The following HLA-E variants were observed in gnomAD, a reference collection of about 807,000 sequenced individuals.
HLA-E encodes major histocompatibility complex, class I, E, also known as HLA class I histocompatibility antigen, alpha chain E.
Under a neutral mutation model 43.4 loss-of-function variants are expected in HLA-E, and 25 were observed. That is an observed-to-expected ratio of 0.58 (90% CI 0.42 to 0.80). The LOEUF (loss-of-function observed/expected upper bound fraction) is 0.80, where lower values mean the gene tolerates loss of function less well. Among genes scored for constraint, HLA-E ranks in the 30% least tolerant of loss-of-function variants. The pLI, the probability that HLA-E is intolerant of heterozygous loss-of-function variation, is 0.00. For missense variants in HLA-E, 343 were observed against 470.0 expected, an observed-to-expected ratio of 0.73 and a Z score of 2.50; for synonymous variants, 161 against 197.6, an observed-to-expected ratio of 0.81 and a Z score of 1.55.
At position 30,494,088 on chromosome 6, in the gene HLA-E, C is replaced by T. The variant is rs1269027447; in HGVS notation, c.*1342C>T. 2 of 152,290 alleles carry T rather than the reference C, an allele frequency of 1.3e-5. No homozygotes were observed. The highest frequency in any genetic ancestry group is 2.9e-5 in the Non-Finnish European group (2 of 68,064). 9.4% of individuals were successfully genotyped at this position (152,290 alleles called of 1,614,324 possible). A position where few individuals can be genotyped will look rare whatever the true frequency, so the allele number is the denominator to read the frequency against. On this transcript the variant is annotated 3_prime_UTR_variant, in exon 8 of 8. Transcript: ENST00000376630. The surrounding 1 kb of genome is among the most constrained non-coding windows in gnomAD (Gnocchi z 4.9). ...GAGATTATTCTCTTCCCACAGATACCTTTTCTCTCCCATGACCCTTTAACA... is the reference window on the plus strand; with the variant it reads ...GAGATTATTCTCTTCCCACAGATACTTTTTCTCTCCCATGACCCTTTAACA...
At position 30,490,457 on chromosome 6, in the gene HLA-E, A is replaced by C; in HGVS notation, c.552A>C (p.Thr184=). 6.2e-7 allele frequency: 1 copy of C among 1,613,064 alleles called. No individual in the cohort carries two copies. The highest frequency in any genetic ancestry group is 8.5e-7 in the Non-Finnish European group (1 of 1,180,010). The change falls in exon 3 of 8, where the codon ACA becomes ACC. Residue 184 remains threonine, a synonymous_variant. Transcript: ENST00000376630. The surrounding 1 kb of genome is among the most constrained non-coding windows in gnomAD (Gnocchi z 6.6). The stretch of plus-strand genomic sequence containing the variant: ...ACCAGAGAGCCTACCTGGAAGACAC[A>C]TGCGTGGAGTGGCTCCACAAATACC... ...AEHQRAYLED[T]CVEWLHKYLE...
Position 30,490,216 on chromosome 6 carries a change from GGACT to G in HLA-E, c.335-19_335-16del, listed in dbSNP as rs1405959270. On this transcript the variant is annotated intron_variant, in intron 2 of 7. Coordinates refer to ENST00000376630, the MANE Select transcript of HLA-E (RefSeq NM_005516.6). The surrounding 1 kb of genome is among the most constrained non-coding windows in gnomAD (Gnocchi z 6.6). ...CGACGGGGGCGGGGCTTGGTGGGCG[GGACT>G]GACTAAGGGGCGGGGCCAGGGTCTC... 4.4e-6 allele frequency: 7 copies of G among 1,606,356 alleles called. No homozygotes were observed. Among genetic ancestry groups the G allele is most frequent in the African/African-American group, 2.7e-5 (2 of 74,774 alleles).
At position 30,491,640 on chromosome 6, in the gene HLA-E, G is replaced by A. The variant is rs758950590; in HGVS notation, c.990G>A (p.Arg330=). ...SGAVVAAVIW[R]KKSSGGKGGS... ...CTGTGGTTGCTGCTGTGATATGGAG[G>A]AAGAAGAGCTCAGGTGGGGAAGGGA... The change falls in exon 5 of 8, where the codon AGG becomes AGA. Residue 330 remains arginine, a synonymous_variant. Transcript: ENST00000376630. This position sits in a 1 kb window ranked among gnomAD's most constrained non-coding sequence, Gnocchi z 5.4. 2 of 1,612,764 alleles carry A rather than the reference G, an allele frequency of 1.2e-6. No individual in the cohort carries two copies. The highest frequency in any genetic ancestry group is 4.5e-5 in the East Asian group (2 of 44,868).
Position 30,492,312 on chromosome 6 carries a change from A to G in HLA-E, c.1004-92A>G. ...CTGGGTCTGCAGTCACAGTTCAGGA[A>G]ACTTCTCTGGGATCCAAAACTAGGA... On this transcript the variant is annotated intron_variant, in intron 5 of 7. Transcript: ENST00000376630. This position sits in a 1 kb window ranked among gnomAD's most constrained non-coding sequence, Gnocchi z 4.5. 7.2e-7 allele frequency: 1 copy of G among 1,387,324 alleles called. No homozygotes were observed. The highest frequency in any genetic ancestry group is 1.0e-6 in the Non-Finnish European group (1 of 973,430). 85.9% of individuals were successfully genotyped at this position (1,387,324 alleles called of 1,614,324 possible).
rs2127274016 is a variant in HLA-E, at chr6:30,492,093, A to T, written c.1004-311A>T. ...TGGGATTACAGTCGTGAGCCACCGC[A>T]CCCAGCCGCACCTACTCTTTTGTAA... On this transcript the variant is annotated intron_variant, in intron 5 of 7. Coordinates refer to ENST00000376630, the MANE Select transcript of HLA-E (RefSeq NM_005516.6). This position sits in a 1 kb window ranked among gnomAD's most constrained non-coding sequence, Gnocchi z 4.5. 6.6e-6 allele frequency among the ~76,000 whole-genome samples: 1 copy of T among 151,934 alleles called. No homozygotes were observed. The highest frequency in any genetic ancestry group is 1.9e-4 in the East Asian group (1 of 5,166).
Position 30,493,453 on chromosome 6 carries a change from C to T in HLA-E, c.*707C>T, listed in dbSNP as rs745346319. On this transcript the variant is annotated 3_prime_UTR_variant, in exon 8 of 8. Coordinates refer to ENST00000376630, the MANE Select transcript of HLA-E (RefSeq NM_005516.6). This position sits in a 1 kb window ranked among gnomAD's most constrained non-coding sequence, Gnocchi z 5.5. ...AATTTAGCCTATTCCTATTCTCTAG[C>T]CTATTCCTTACCACCTGTAATCTTG... The T allele has an allele frequency of 1.3e-5, 2 of 152,182 alleles. No individual in the cohort carries two copies. Among genetic ancestry groups the T allele is most frequent in the African/African-American group, 2.4e-5 (1 of 41,428 alleles). The allele number at this position is 152,182 out of a possible 1,614,324, so 9.4% of individuals were successfully genotyped here. A position where few individuals can be genotyped will look rare whatever the true frequency, so the allele number is the denominator to read the frequency against.
At position 30,490,380 on chromosome 6, in the gene HLA-E, A is replaced by C. The variant is rs1289060210; in HGVS notation, c.475A>C (p.Thr159Pro). ...CCTGCGCTCCTGGACCGCGGTGGAC[A>C]CGGCGGCTCAGATCTCCGAGCAAAA... is the stretch of plus-strand genomic sequence containing the variant. ...EDLRSWTAVD[T>P]AAQISEQKSN... is the part of the protein sequence containing the mutation. Residue 159 changes from threonine to proline, a missense_variant, in exon 3 of 8, where the codon ACG becomes CCG. Thr to Pro is a conservative substitution (Grantham distance 38). Around this residue, in one of 3 missense-constraint regions of HLA-E, gnomAD observed 190 missense variants for 283.6 expected, o/e 0.67. Transcript: ENST00000376630. The surrounding 1 kb of genome is among the most constrained non-coding windows in gnomAD (Gnocchi z 6.6). The C allele has an allele frequency of 6.2e-7, 1 of 1,612,978 alleles. No individual in the cohort carries two copies. Among genetic ancestry groups the C allele is most frequent in the African/African-American group, 1.3e-5 (1 of 74,942 alleles).
chr6:30,491,219 T>C lies in HLA-E; in HGVS notation c.693T>C (p.Pro231=), dbSNP rs1171564174. 1 of 1,613,926 alleles carries C rather than the reference T, an allele frequency of 6.2e-7. No homozygotes were observed. The highest frequency in any genetic ancestry group is 8.5e-7 in the Non-Finnish European group (1 of 1,179,948). ...TLRCWALGFY[P]AEITLTWQQD... ...GGTGCTGGGCCCTGGGCTTCTACCCTGCGGAGATCACACTGACCTGGCAGC... is the reference window on the plus strand; with the variant it reads ...GGTGCTGGGCCCTGGGCTTCTACCCCGCGGAGATCACACTGACCTGGCAGC... The change falls in exon 4 of 8, where the codon CCT becomes CCC. Residue 231 remains proline (P), a synonymous_variant. Coordinates refer to ENST00000376630, the MANE Select transcript of HLA-E (RefSeq NM_005516.6). The surrounding 1 kb of genome is among the most constrained non-coding windows in gnomAD (Gnocchi z 5.4).
In HLA-E at chr6:30,490,814, G is replaced by A. The variant is rs114425530; in HGVS notation, c.610+299G>A. On this transcript the variant is annotated intron_variant, in intron 3 of 7. Coordinates refer to ENST00000376630, the MANE Select transcript of HLA-E (RefSeq NM_005516.6). The surrounding 1 kb of genome is among the most constrained non-coding windows in gnomAD (Gnocchi z 6.6). ...ACTCCCAGTATTAGGAATCACGGGG[G>A]AGTTTCTCTCGTGCCTGATTCTCAG... Among the ~76,000 whole-genome samples, 451 of 152,280 alleles carry A rather than the reference G, an allele frequency of 3.0e-3. 4 individuals carry two copies. Among genetic ancestry groups the A allele is most frequent in the South Asian group, 0.017 (84 of 4,826 alleles).
chr6:30,489,909 G>A lies in HLA-E; in HGVS notation c.248G>A (p.Arg83Gln). The A allele has an allele frequency of 1.2e-6, 2 of 1,612,978 alleles. No homozygotes were observed. The highest frequency in any genetic ancestry group is 1.7e-6 in the Non-Finnish European group (2 of 1,179,970). Residue 83 changes from arginine (R) to glutamine (Q), a missense_variant, in exon 2 of 8, where the codon CGG becomes CAG. Arg to Gln is a conservative substitution (Grantham distance 43). This residue lies in a region of HLA-E where 94 missense variants were observed against 144.4 expected (regional missense o/e 0.65). Transcript: ENST00000376630. The surrounding 1 kb of genome is among the most constrained non-coding windows in gnomAD (Gnocchi z 5.6). Reference sequence around the variant, plus strand: ...CAGGAGGGGTCAGAGTATTGGGACCGGGAGACACGGAGCGCCAGGGACACC... The same window carrying A: ...CAGGAGGGGTCAGAGTATTGGGACCAGGAGACACGGAGCGCCAGGGACACC... ...MEQEGSEYWDRETRSARDTAQ... is the reference protein window; with the variant it reads ...MEQEGSEYWDQETRSARDTAQ...
At position 30,492,081 on chromosome 6, in the gene HLA-E, G is replaced by A. The variant is rs1170743522; in HGVS notation, c.1004-323G>A. 2.6e-5 allele frequency among the ~76,000 whole-genome samples: 4 copies of A among 152,000 alleles called. No homozygotes were observed. The highest frequency in any genetic ancestry group is 2.1e-4 in the South Asian group (1 of 4,828). On this transcript the variant is annotated intron_variant, in intron 5 of 7. Transcript: ENST00000376630. The surrounding 1 kb of genome is among the most constrained non-coding windows in gnomAD (Gnocchi z 4.5). Reference sequence around the variant, plus strand: ...CTCCCAAAGTGCTGGGATTACAGTCGTGAGCCACCGCACCCAGCCGCACCT... The same window carrying A: ...CTCCCAAAGTGCTGGGATTACAGTCATGAGCCACCGCACCCAGCCGCACCT...
chr6:30,491,267 G>A lies in HLA-E; in HGVS notation c.741G>A (p.Gln247=). 1 of 1,614,138 alleles carries A rather than the reference G, an allele frequency of 6.2e-7. No individual in the cohort carries two copies. Among genetic ancestry groups the A allele is most frequent in the Non-Finnish European group, 8.5e-7 (1 of 1,179,982 alleles). The change falls in exon 4 of 8, where the codon CAG becomes CAA. Residue 247 remains glutamine, a synonymous_variant. Coordinates refer to ENST00000376630, the MANE Select transcript of HLA-E (RefSeq NM_005516.6). The surrounding 1 kb of genome is among the most constrained non-coding windows in gnomAD (Gnocchi z 5.4). ...TWQQDGEGHT[Q]DTELVETRPA... ...AGCAGGATGGGGAGGGCCATACCCA[G>A]GACACGGAGCTCGTGGAGACCAGGC...
rs1554290233 is a variant in HLA-E, at chr6:30,492,369, T to C, written c.1004-35T>C. On this transcript the variant is annotated intron_variant, in intron 5 of 7. Coordinates refer to ENST00000376630, the MANE Select transcript of HLA-E (RefSeq NM_005516.6). The surrounding 1 kb of genome is among the most constrained non-coding windows in gnomAD (Gnocchi z 4.5). ...TCTAGGACCTTATGGCCCTGCCTCC[T>C]CCCTGGCCCCTCACAGGACATTTTC... The C allele has an allele frequency of 6.2e-7, 1 of 1,613,386 alleles. No homozygotes were observed. Among genetic ancestry groups the C allele is most frequent in the East Asian group, 2.2e-5 (1 of 44,876 alleles).
In HLA-E at chr6:30,490,271, C is replaced by T; in HGVS notation, c.366C>T (p.Cys122=). The T allele has an allele frequency of 1.2e-6, 2 of 1,612,978 alleles. No individual in the cohort carries two copies. The highest frequency in any genetic ancestry group is 1.7e-6 in the Non-Finnish European group (2 of 1,179,978). ...GSHTLQWMHG[C]ELGPDGRFLR... ...ACACCCTGCAGTGGATGCATGGCTG[C>T]GAGCTGGGGCCCGACGGGCGCTTCC... The change falls in exon 3 of 8, where the codon TGC becomes TGT. Residue 122 remains cysteine (C), a synonymous_variant. Coordinates refer to ENST00000376630, the MANE Select transcript of HLA-E (RefSeq NM_005516.6). The surrounding 1 kb of genome is among the most constrained non-coding windows in gnomAD (Gnocchi z 6.6).
Position 30,490,290 on chromosome 6 carries a change from C to A in HLA-E, c.385C>A (p.Arg129Ser). The change falls in exon 3 of 8, where the codon CGC becomes AGC. Residue 129 changes from arginine to serine, a missense_variant. Physicochemically the swap from Arg to Ser is moderately radical, Grantham distance 110. This residue lies in a region of HLA-E where 59 missense variants were observed against 42.0 expected (regional missense o/e 1.40). Coordinates refer to ENST00000376630, the MANE Select transcript of HLA-E (RefSeq NM_005516.6). The surrounding 1 kb of genome is among the most constrained non-coding windows in gnomAD (Gnocchi z 6.6). ...MHGCELGPDGRFLRGYEQFAY... is the reference protein window; with the variant it reads ...MHGCELGPDGSFLRGYEQFAY... Reference sequence around the variant, plus strand: ...TGGCTGCGAGCTGGGGCCCGACGGGCGCTTCCTCCGCGGGTATGAACAGTT... The same window carrying A: ...TGGCTGCGAGCTGGGGCCCGACGGGAGCTTCCTCCGCGGGTATGAACAGTT... The A allele has an allele frequency of 6.2e-7, 1 of 1,613,024 alleles. No homozygotes were observed. The highest frequency in any genetic ancestry group is 8.5e-7 in the Non-Finnish European group (1 of 1,180,010).
rs1211961409 is a variant in HLA-E at position 30,493,043 on chromosome 6, C to G, written c.*297C>G. ...GTGCGGCAGCTCATGCCTGTAATCCCAGCACTTAGGGAGGCCGAGGAGGGC... is the reference window on the plus strand; with the variant it reads ...GTGCGGCAGCTCATGCCTGTAATCCGAGCACTTAGGGAGGCCGAGGAGGGC... On this transcript the variant is annotated 3_prime_UTR_variant, in exon 8 of 8. Coordinates refer to ENST00000376630, the MANE Select transcript of HLA-E (RefSeq NM_005516.6). This position sits in a 1 kb window ranked among gnomAD's most constrained non-coding sequence, Gnocchi z 5.5. 5.9e-6 allele frequency: 1 copy of G among 170,828 alleles called. No individual in the cohort carries two copies. Among genetic ancestry groups the G allele is most frequent in the African/African-American group, 2.4e-5 (1 of 41,646 alleles). The allele number at this position is 170,828 out of a possible 1,614,324, so 10.6% of individuals were successfully genotyped here.
In HLA-E at chr6:30,489,773, C is replaced by G. The variant is rs1173796051; in HGVS notation, c.112C>G (p.Arg38Gly). Residue 38 changes from arginine (R) to glycine (G), a missense_variant, in exon 2 of 8, where the codon CGC becomes GGC. Around this residue, in one of 3 missense-constraint regions of HLA-E, gnomAD observed 94 missense variants for 144.4 expected, o/e 0.65. Coordinates refer to ENST00000376630, the MANE Select transcript of HLA-E (RefSeq NM_005516.6). The surrounding 1 kb of genome is among the most constrained non-coding windows in gnomAD (Gnocchi z 5.6). Reference sequence around the variant, plus strand: ...CCACACTTCCGTGTCCCGGCCCGGCCGCGGGGAGCCCCGCTTCATCTCTGT... The same window carrying G: ...CCACACTTCCGTGTCCCGGCCCGGCGGCGGGGAGCCCCGCTTCATCTCTGT... ...YFHTSVSRPG[R>G]GEPRFISVGY... 1 of 1,580,214 alleles carries G rather than the reference C, an allele frequency of 6.3e-7. No homozygotes were observed. The highest frequency in any genetic ancestry group is 1.8e-5 in the Admixed American group (1 of 56,548).
rs370023535 is a variant in HLA-E, at chr6:30,492,545, C to G, written c.1041C>G (p.Ser347Arg). ...KGGSYSKAEW[S>R]DSAQGSESHS... is the part of the protein sequence containing the mutation. ...CTTGTTTTTGTTCTACCCCAGGGAG[C>G]GACAGTGCCCAGGGGTCTGAGTCTC... Residue 347 changes from serine (S) to arginine (R), a missense_variant, in exon 7 of 8, where the codon AGC (serine) becomes AGG (arginine). Transcript: ENST00000376630. This position sits in a 1 kb window ranked among gnomAD's most constrained non-coding sequence, Gnocchi z 4.5. 6.2e-7 allele frequency: 1 copy of G among 1,613,990 alleles called. No individual in the cohort carries two copies. Among genetic ancestry groups the G allele is most frequent in the South Asian group, 1.1e-5 (1 of 91,066 alleles).
In HLA-E at chr6:30,492,978, C is replaced by T. The variant is rs17195369; in HGVS notation, c.*232C>T. The T allele has an allele frequency of 1.7e-3, 440 of 256,734 alleles. 3 individuals are homozygous for T. Among genetic ancestry groups the T allele is most frequent in the Middle Eastern group, 0.012 (10 of 834 alleles). 15.9% of individuals were successfully genotyped at this position (256,734 alleles called of 1,614,324 possible). Reference sequence around the variant, plus strand: ...TTCCTCACACTGACCTGTGTTCCTTCCCTGTTCTCTTTTCTATTAAAAATA... The same window carrying T: ...TTCCTCACACTGACCTGTGTTCCTTTCCTGTTCTCTTTTCTATTAAAAATA... On this transcript the variant is annotated 3_prime_UTR_variant, in exon 8 of 8. Transcript: ENST00000376630. The surrounding 1 kb of genome is among the most constrained non-coding windows in gnomAD (Gnocchi z 4.5).
Sources: gnomAD v4.1 joint callset for allele counts (sites outside exome capture counted in the v4.1 genomes callset) on GRCh38, gnomAD v4.1.1 for gene constraint, gnomAD v4.1.1 regional missense constraint, Gnocchi (gnomAD v3.1) non-coding constraint, MANE v1.5 for transcripts, NCBI Gene and HGNC (gene_info 2026-07-23, HGNC 2026-07-21) for gene names.